The following EP400 variants were observed in gnomAD, a reference collection of about 807,000 sequenced individuals.
The protein encoded by EP400 is E1A-binding protein p400.
Under a neutral mutation model 354.1 loss-of-function variants are expected in EP400, and 105 were observed. The ratio of observed to expected loss-of-function variants is 0.30; its 90% CI spans 0.25 to 0.35. The LOEUF is 0.35. Ranked by LOEUF, EP400 falls within the 10% of genes least tolerant of loss-of-function variation. The pLI, the probability that EP400 is intolerant of heterozygous loss-of-function variation, is 1.00. For missense variants in EP400, 3,280 were observed against 4,121.0 expected (o/e 0.80, Z 5.59); for synonymous variants, 1,646 against 1,716.9 (o/e 0.96, Z 1.02).
Position 132,013,741 on chromosome 12 carries a change from T to G in EP400, c.3787-36T>G. 3.1e-6 allele frequency: 5 copies of G among 1,610,884 alleles called. No individual in the cohort carries two copies. The highest frequency in any genetic ancestry group is 4.2e-6 in the Non-Finnish European group (5 of 1,178,478). ...GTTATAAACGTGTTACAGCAGCATT[T>G]TTGGAAAGAAAACAGTAAACAGTTT... On this transcript the variant is annotated intron_variant, in intron 18 of 52. Coordinates refer to ENST00000389561, the MANE Select transcript of EP400 (RefSeq NM_015409.5). The surrounding 1 kb of genome is among the most constrained non-coding windows in gnomAD (Gnocchi z 4.5).
chr12:131,982,283 A>C lies in EP400; in HGVS notation c.1734A>C (p.Ala578=). 1 of 1,614,088 alleles carries C rather than the reference A, an allele frequency of 6.2e-7. No homozygotes were observed. The highest frequency in any genetic ancestry group is 8.5e-7 in the Non-Finnish European group (1 of 1,180,012). Residue 578 remains alanine, a synonymous_variant, in exon 5 of 53, where the codon GCA becomes GCC. Transcript: ENST00000389561. The part of the protein sequence containing the change: ...TAALSSALQF[A]QQPQVVEAQT... ...CCCTCTCCTCTGCGCTGCAGTTTGC[A>C]CAGCAGCCGCAAGTGGTAGAGGCCC... is the stretch of plus-strand genomic sequence containing the variant.
At position 132,027,591 on chromosome 12, in the gene EP400, C is replaced by A; in HGVS notation, c.5109+60C>A. 2 of 1,406,360 alleles carry A rather than the reference C, an allele frequency of 1.4e-6. No individual in the cohort carries two copies. Among genetic ancestry groups the A allele is most frequent in the South Asian group, 1.3e-5 (1 of 74,310 alleles). The allele number at this position is 1,406,360 out of a possible 1,614,324, so 87.1% of individuals were successfully genotyped here. A position where few individuals can be genotyped will look rare whatever the true frequency, so the allele number is the denominator to read the frequency against. ...GACAGGTAGCTTTCCAAGAGCTGCT[C>A]GTTGTGTTTGGTTGTGATATTTAAA... On this transcript the variant is annotated intron_variant, in intron 26 of 52. Transcript: ENST00000389561. The surrounding 1 kb of genome is among the most constrained non-coding windows in gnomAD (Gnocchi z 4.9).
Position 131,990,226 on chromosome 12 carries a change from G to A in EP400, c.2550+122G>A, listed in dbSNP as rs557636880. The A allele has an allele frequency of 3.1e-5, 36 of 1,158,394 alleles. No homozygotes were observed. The highest frequency in any genetic ancestry group is 1.5e-4 in the African/African-American group (10 of 65,068). The allele number at this position is 1,158,394 out of a possible 1,614,324, so 71.8% of individuals were successfully genotyped here. A position where few individuals can be genotyped will look rare whatever the true frequency, so the allele number is the denominator to read the frequency against. On this transcript the variant is annotated intron_variant, in intron 8 of 52. Transcript: ENST00000389561. The surrounding 1 kb of genome is among the most constrained non-coding windows in gnomAD (Gnocchi z 4.2). Reference sequence around the variant, plus strand: ...GCTTTCGAGCACCAGAGTCAGCAACGTGTGCACTCTCCTGGGCTGTTGCTT... The same window carrying A: ...GCTTTCGAGCACCAGAGTCAGCAACATGTGCACTCTCCTGGGCTGTTGCTT...
At chr12:131,974,845 C>T (rs954943638) in intron 2 of EP400, among the ~76,000 whole-genome samples, 1 of 151,946 alleles carries the variant, frequency 6.6e-6, no homozygotes, top group South Asian at 2.1e-4. Context: ...AAAAAATTAG[C>T]CGGGCTTGGT....
chr12:132,001,377 T>A (rs1288913671), intron 12 of EP400, among the ~76,000 whole-genome samples: 1 of 152,210 alleles, frequency 6.6e-6, no homozygotes, highest in Non-Finnish European at 1.5e-5. Context: ...ACGCCATTAT[T>A]TCTGCATATC....
Position 131,987,850 on chromosome 12 carries a change from T to C in EP400, c.2369T>C (p.Phe790Ser). 1 of 1,612,960 alleles carries C rather than the reference T, an allele frequency of 6.2e-7. No homozygotes were observed. The highest frequency in any genetic ancestry group is 8.5e-7 in the Non-Finnish European group (1 of 1,179,492). Residue 790 changes from phenylalanine (F) to serine (S), a missense_variant, in exon 7 of 53, where the codon TTT (phenylalanine) becomes TCT (serine). Physicochemically the swap from Phe to Ser is radical, Grantham distance 155. Transcript: ENST00000389561. ...LEEMQWMATD[F>S]AQERRWKVAA... The stretch of plus-strand genomic sequence containing the variant: ...GAGATGCAGTGGATGGCCACAGACT[T>C]TGCCCAGGAGAGGAGGTGGAAGGTG...
chr12:131,986,489 C>T, intron 5 of EP400, 25 bp from the exon 6 acceptor site: 3 of 1,563,558 alleles, frequency 1.9e-6, no homozygotes, highest in Non-Finnish European at 2.6e-6. Flanking sequence ...CTTCACCTTG[C>T]TCCACTTGTG....
rs1892814665 is a variant in EP400 at position 131,985,229 on chromosome 12, A to G, written c.1930-1285A>G. 2.0e-5 allele frequency among the ~76,000 whole-genome samples: 3 copies of G among 152,238 alleles called. No individual in the cohort carries two copies. The South Asian group carries it at 6.2e-4, about 31-fold the overall frequency. ...TACTTCTAGGTTAGCCAGGGTTGGC[A>G]CACTTTCTCAGTCAAGGGCCAGGGA... On this transcript the variant is annotated intron_variant, in intron 5 of 52. Coordinates refer to ENST00000389561, the MANE Select transcript of EP400 (RefSeq NM_015409.5).
chr12:131,990,594 A>G lies in EP400; in HGVS notation c.2551-42A>G, dbSNP rs758017699. 2.1e-6 allele frequency: 3 copies of G among 1,435,340 alleles called. No individual in the cohort carries two copies. Among genetic ancestry groups the G allele is most frequent in the South Asian group, 2.4e-5 (2 of 83,514 alleles). The allele number at this position is 1,435,340 out of a possible 1,614,324, so 88.9% of individuals were successfully genotyped here. A position where few individuals can be genotyped will look rare whatever the true frequency, so the allele number is the denominator to read the frequency against. On this transcript the variant is annotated intron_variant, in intron 8 of 52. Coordinates refer to ENST00000389561, the MANE Select transcript of EP400 (RefSeq NM_015409.5). This position sits in a 1 kb window ranked among gnomAD's most constrained non-coding sequence, Gnocchi z 4.2. The stretch of plus-strand genomic sequence containing the variant: ...TGTATGCAGAACGTCTGTAATTCCC[A>G]TCCTTAGTAATGTGCTTATTCATTT...
chr12:132,032,156 G>A lies in EP400; in HGVS notation c.5951+7G>A, dbSNP rs1401139923. The A allele has an allele frequency of 6.2e-7, 1 of 1,609,606 alleles. No homozygotes were observed. The highest frequency in any genetic ancestry group is 1.1e-5 in the South Asian group (1 of 90,612). On this transcript the variant is annotated splice_region_variant and intron_variant, in intron 30 of 52. Coordinates refer to ENST00000389561, the MANE Select transcript of EP400 (RefSeq NM_015409.5). ...AAGACATCCACATATACAGGTGAGGGCCTGCGGGGGATAGGATCAGGAGAT... is the reference window on the plus strand; with the variant it reads ...AAGACATCCACATATACAGGTGAGGACCTGCGGGGGATAGGATCAGGAGAT...
chr12:131,966,220 GC>G (rs2136471787), intron 2 of EP400, among the ~76,000 whole-genome samples: 1 of 151,894 alleles, frequency 6.6e-6, no homozygotes, highest in Non-Finnish European at 1.5e-5. Flanking sequence ...TGTGGTTCAC[GC>G]CTGAAATCCC....
rs78464631 is a variant in EP400, at chr12:132,070,327, A to G, written c.9021+686A>G. Among the ~76,000 whole-genome samples, 416 of 152,312 alleles carry G rather than the reference A, an allele frequency of 2.7e-3. No individual in the cohort carries two copies. The highest frequency in any genetic ancestry group is 8.9e-3 in the African/African-American group (371 of 41,550). ...ACAGGAATTCAATTTGATGTGCTCT[A>G]TGAATACCCTATTTTCAGCCCCATT... On this transcript the variant is annotated intron_variant, in intron 51 of 52. Coordinates refer to ENST00000389561, the MANE Select transcript of EP400 (RefSeq NM_015409.5). This position sits in a 1 kb window ranked among gnomAD's most constrained non-coding sequence, Gnocchi z 4.1.
rs182379310 is a variant in EP400, at chr12:132,020,283, C to T, written c.4447+65C>T. On this transcript the variant is annotated intron_variant, in intron 22 of 52. Coordinates refer to ENST00000389561, the MANE Select transcript of EP400 (RefSeq NM_015409.5). Reference sequence around the variant, plus strand: ...GTTTTTGTGGGACAAGTTCATGGCACTTTCTTCTCGCGCCTCTGGATGCGG... The same window carrying T: ...GTTTTTGTGGGACAAGTTCATGGCATTTTCTTCTCGCGCCTCTGGATGCGG... The T allele has an allele frequency of 7.0e-5, 105 of 1,490,084 alleles. No individual in the cohort carries two copies. In the East Asian group the frequency reaches 1.2e-3, roughly 18 times the overall value. The allele number at this position is 1,490,084 out of a possible 1,614,324, so 92.3% of individuals were successfully genotyped here. A position where few individuals can be genotyped will look rare whatever the true frequency, so the allele number is the denominator to read the frequency against.
intron 45 of EP400, among the ~76,000 whole-genome samples, chr12:132,057,833 G>A (rs535218801): frequency 4.6e-5 from 7 of 152,258 alleles, no homozygotes; most frequent in Non-Finnish European, 7.4e-5. Context: ...TGCATTTAGC[G>A]TTTTATTTTG....
intron 48 of EP400, 115 bp downstream of exon 48, chr12:132,065,001 T>C (rs1173136367): frequency 1.4e-6 from 2 of 1,463,456 alleles, no homozygotes; most frequent in Non-Finnish European, 1.8e-6. Context: ...TGAGACGGGT[T>C]CTTTTCCCCG....
rs774926142 is a variant in EP400, at chr12:131,982,049, C to G, written c.1544-44C>G. The G allele has an allele frequency of 2.7e-6, 4 of 1,498,252 alleles. No homozygotes were observed. In the Admixed American group the frequency reaches 8.9e-5, roughly 34 times the overall value. 92.8% of individuals were successfully genotyped at this position (1,498,252 alleles called of 1,614,324 possible). ...CTTGTGACTCATTGGTAGAAGCTGC[C>G]ACACTTGGGAATCAGTGCTTTTGGC... On this transcript the variant is annotated intron_variant, in intron 4 of 52. Coordinates refer to ENST00000389561, the MANE Select transcript of EP400 (RefSeq NM_015409.5).
intron 39 of EP400, among the ~76,000 whole-genome samples, chr12:132,049,365 A>G (rs1176565506): frequency 6.6e-6 from 1 of 152,186 alleles, no homozygotes; most frequent in Non-Finnish European, 1.5e-5. Flanking sequence ...TAGGAGGAGA[A>G]TGCTTCCCTG....
At chr12:132,019,860 G>A (rs980913911) in intron 21 of EP400, among the ~76,000 whole-genome samples, 189 bp from the exon 22 acceptor site, 11 of 152,220 alleles carry the variant, frequency 7.2e-5, no homozygotes, top group South Asian at 2.1e-4. Context: ...CACTGCGCCC[G>A]GGCCCGGGGT....
At chr12:132,005,276 A>C (rs1277234443) in intron 13 of EP400, 92 bp downstream of exon 13, 3 of 874,384 alleles carry the variant, frequency 3.4e-6, no homozygotes, top group Non-Finnish European at 4.9e-6. Context: ...AATTTCTTTT[A>C]GTTTGATAAA....
Sources: gnomAD v4.1 joint callset for allele counts (sites outside exome capture counted in the v4.1 genomes callset) on GRCh38, gnomAD v4.1.1 for gene constraint, Gnocchi (gnomAD v3.1) non-coding constraint, MANE v1.5 for transcripts, NCBI Gene and HGNC (gene_info 2026-07-23, HGNC 2026-07-21) for gene names.